GRM1: variants seen among roughly 807,000 people sequenced by gnomAD.
The protein encoded by GRM1 is metabotropic glutamate receptor 1.
In GRM1, 33 loss-of-function variants were observed where a neutral mutation model predicts 90.9. The ratio of observed to expected loss-of-function variants is 0.36; its 90% confidence interval spans 0.28 to 0.49. The LOEUF is 0.49. Ranked by LOEUF, GRM1 falls within the 20% of genes least tolerant of loss-of-function variation. The pLI is 0.99. For synonymous variants in GRM1, 700 were observed against 613.2 expected (o/e 1.14, Z -2.09); for missense variants, 1,190 against 1,534.3 (o/e 0.78, Z 3.75).
intron 2 of GRM1, among the ~76,000 whole-genome samples, chr6:146,273,884 T>G (rs771039177): frequency 4.2e-4 from 64 of 152,200 alleles, no homozygotes; most frequent in Non-Finnish European, 8.5e-4. Context: ...TCATTTTGAT[T>G]TGAATATTGG....
chr6:146,379,193 T>G (rs1473392920), intron 5 of GRM1, among the ~76,000 whole-genome samples: 1 of 152,188 alleles, frequency 6.6e-6, no homozygotes, highest in African/African-American at 2.4e-5. Flanking sequence ...TACCCATCTT[T>G]AAGGCCTATA....
At chr6:146,110,390 C>T (rs1056891923) in intron 1 of GRM1, among the ~76,000 whole-genome samples, 8 of 152,124 alleles carry the variant, frequency 5.3e-5, no homozygotes, top group South Asian at 2.1e-4. Flanking sequence ...TCTTGTCTGC[C>T]GCCATGTGAG....
At chr6:146,289,058 A>G (rs997641554) in intron 2 of GRM1, among the ~76,000 whole-genome samples, 25 of 152,188 alleles carry the variant, frequency 1.6e-4, no homozygotes, top group African/African-American at 4.8e-4. Flanking sequence ...TTTCTTGTTT[A>G]TATATTTACT....
chr6:146,211,497 C>T (rs1779686575), intron 2 of GRM1, among the ~76,000 whole-genome samples: 1 of 152,094 alleles, frequency 6.6e-6, no homozygotes, highest in Admixed American at 6.6e-5. Context: ...AAACTATTAT[C>T]AAATAAGATC....
chr6:146,397,801 C>T (rs189957863), intron 6 of GRM1, among the ~76,000 whole-genome samples: 32 of 152,276 alleles, frequency 2.1e-4, no homozygotes, highest in African/African-American at 7.7e-4. Flanking sequence ...CACATGTTCA[C>T]TGAGGCAAGT....
chr6:146,434,106 G>C lies in GRM1; in HGVS notation c.2895G>C (p.Pro965=). ...YNVEEEEDAQ[P]IRFSPPGSPS... is the part of the protein sequence containing the mutation. ...TAGAGGAGGAGGAGGATGCCCAGCC[G>C]ATTCGCTTTAGCCCGCCTGGTAGCC... Residue 965 remains proline (P), a synonymous_variant, in exon 8 of 8, where the codon CCG becomes CCC. Transcript: ENST00000282753. 1 of 1,614,186 alleles carries C rather than the reference G, an allele frequency of 6.2e-7. No individual in the cohort carries two copies. The highest frequency in any genetic ancestry group is 1.1e-5 in the South Asian group (1 of 91,084).
At chr6:146,332,948 TTAACA>T (rs1410003884) in intron 3 of GRM1, among the ~76,000 whole-genome samples, 3 of 152,196 alleles carry the variant, frequency 2.0e-5, no homozygotes, top group African/African-American at 7.2e-5. Flanking sequence ...GGATTGCCTC[TTAACA>T]TGAGTACTGA....
chr6:146,361,813 T>G (rs1775487291), intron 5 of GRM1, among the ~76,000 whole-genome samples: 2 of 152,270 alleles, frequency 1.3e-5, no homozygotes, highest in African/African-American at 4.8e-5. Context: ...TTCAACTATC[T>G]TTCATTATAT....
chr6:146,154,359 C>A (rs545672565), intron 1 of GRM1, among the ~76,000 whole-genome samples: 1 of 152,116 alleles, frequency 6.6e-6, no homozygotes, highest in African/African-American at 2.4e-5. Flanking sequence ...CTTCCTTCCT[C>A]GCGCCCTCTT....
At chr6:146,266,745 G>A (rs543617577) in intron 2 of GRM1, among the ~76,000 whole-genome samples, 1 of 152,342 alleles carries the variant, frequency 6.6e-6, no homozygotes, top group East Asian at 1.9e-4. Flanking sequence ...TGCTAACGAA[G>A]GGCTCTGGCT....
chr6:146,219,948 C>G (rs931467642), intron 2 of GRM1, among the ~76,000 whole-genome samples: 1 of 151,664 alleles, frequency 6.6e-6, no homozygotes, highest in Non-Finnish European at 1.5e-5. Flanking sequence ...CTTGTGCACA[C>G]ATATGGGAGT....
intron 7 of GRM1, among the ~76,000 whole-genome samples, chr6:146,414,490 G>A (rs373338546): frequency 4.6e-5 from 7 of 151,666 alleles, no homozygotes; most frequent in South Asian, 2.1e-4. Flanking sequence ...TGCAAGCTCC[G>A]CCTCCGGGTT....
At position 146,029,214 on chromosome 6, in the gene GRM1, G is replaced by A; in HGVS notation, c.-304G>A. 2.2e-6 allele frequency: 1 copy of A among 458,016 alleles called. No homozygotes were observed. The highest frequency in any genetic ancestry group is 2.2e-5 in the South Asian group (1 of 45,658). 28.4% of individuals were successfully genotyped at this position (458,016 alleles called of 1,614,324 possible). A position where few individuals can be genotyped will look rare whatever the true frequency, so the allele number is the denominator to read the frequency against. On this transcript the variant is annotated 5_prime_UTR_variant, in exon 1 of 8. Transcript: ENST00000282753. ...TGTCAGCAGCATCTAGCTCACCGCT[G>A]CCAACACGACTTCCACTGTACTCTT...
At chr6:146,376,126 T>C (rs898008333) in intron 5 of GRM1, among the ~76,000 whole-genome samples, 3 of 152,144 alleles carry the variant, frequency 2.0e-5, no homozygotes, top group African/African-American at 7.2e-5. Flanking sequence ...AACTTAACAC[T>C]GTTTCAATAA....
At chr6:146,288,529 A>C (rs1178406531) in intron 2 of GRM1, among the ~76,000 whole-genome samples, 1 of 152,056 alleles carries the variant, frequency 6.6e-6, no homozygotes, top group Non-Finnish European at 1.5e-5. Flanking sequence ...TTTTGAGATG[A>C]AGTTTTGCTC....
chr6:146,253,939 C>G (rs1781389452), intron 2 of GRM1, among the ~76,000 whole-genome samples: 1 of 151,968 alleles, frequency 6.6e-6, no homozygotes, highest in South Asian at 2.1e-4. Flanking sequence ...CACCATGAAT[C>G]TTACTTTTCT....
chr6:146,138,117 C>G (rs1234738276), intron 1 of GRM1, among the ~76,000 whole-genome samples: 1 of 151,892 alleles, frequency 6.6e-6, no homozygotes, highest in Non-Finnish European at 1.5e-5. Flanking sequence ...GATAATTTGA[C>G]TTCTTCCTTT....
chr6:146,361,529 G>A (rs1220830180), intron 5 of GRM1, among the ~76,000 whole-genome samples: 1 of 152,184 alleles, frequency 6.6e-6, no homozygotes, highest in Non-Finnish European at 1.5e-5. Flanking sequence ...AAAAGAAAAT[G>A]CTGGAAAGGA....
chr6:146,405,918 C>G lies in GRM1; in HGVS notation c.2660+6219C>G, dbSNP rs951796917. ...ACTTGAGGTCTTATCCTTGGAATCA[C>G]CAAGGATGGGGACTGTATGGTTAAC... On this transcript the variant is annotated intron_variant, in intron 7 of 7. Coordinates refer to ENST00000282753, the MANE Select transcript of GRM1 (RefSeq NM_001278064.2). Among the ~76,000 whole-genome samples the G allele has an allele frequency of 2.1e-4, 32 of 152,188 alleles. 1 individual carries two copies. The highest frequency in any genetic ancestry group is 3.4e-3 in the Middle Eastern group (1 of 294).
Sources: allele counts gnomAD v4.1 joint callset (sites outside exome capture counted in the v4.1 genomes callset), GRCh38; gene constraint gnomAD v4.1.1; transcripts MANE v1.5; gene names NCBI Gene and HGNC (gene_info 2026-07-23, HGNC 2026-07-21).